VPS51: variants seen among roughly 807,000 people sequenced by gnomAD.
The protein encoded by VPS51 is VPS51 subunit of GARP complex, also known as vacuolar protein sorting-associated protein 51 homolog.
A neutral mutation model predicts 65.1 loss-of-function variants in VPS51; 55 were observed. That is an observed-to-expected ratio of 0.84 (90% CI 0.68 to 1.06). The LOEUF (loss-of-function observed/expected upper bound fraction) is 1.06. VPS51 is among the 50% of genes least tolerant of loss of function. The pLI is 0.00. For synonymous variants in VPS51, 473 were observed against 489.5 expected (o/e 0.97, Z 0.44); for missense variants, 943 against 1,101.6 (o/e 0.86, Z 2.04).
Position 65,108,276 on chromosome 11 carries a change from T to C in VPS51, c.805T>C (p.Cys269Arg). The change falls in exon 5 of 10, where the codon TGC becomes CGC. Residue 269 changes from cysteine (C) to arginine (R), a missense_variant. By Grantham distance (180) the Cys-to-Arg change is radical. Transcript: ENST00000279281. ...CCTGGGCGAGCCTGCGGAGGAGCTG[T>C]GCGAGGAGTTCCTGGCGCACGCCCG... is the stretch of plus-strand genomic sequence containing the variant. ...LALGEPAEEL[C>R]EEFLAHARGR... The C allele has an allele frequency of 1.2e-6, 2 of 1,600,268 alleles. No homozygotes were observed. The highest frequency in any genetic ancestry group is 1.7e-6 in the Non-Finnish European group (2 of 1,174,470).
In VPS51 at chr11:65,111,556, G is replaced by C. The variant is rs1388531106; in HGVS notation, c.2318G>C (p.Ser773Thr). The stretch of plus-strand genomic sequence containing the variant: ...CCAGACCCTGTGCCCATGGAGCCCA[G>C]TGTGGTTGAGGTCATCTGCGAGCGC... ...RCPDPVPMEP[S>T]VVEVICERG Residue 773 changes from serine (S) to threonine (T), a missense_variant, in exon 10 of 10, where the codon AGT becomes ACT. Physicochemically the swap from Ser to Thr is moderately conservative, Grantham distance 58 (BLOSUM62 1). Transcript: ENST00000279281. The C allele has an allele frequency of 6.2e-7, 1 of 1,611,096 alleles. No homozygotes were observed. The highest frequency in any genetic ancestry group is 8.5e-7 in the Non-Finnish European group (1 of 1,179,958).
In VPS51 at chr11:65,097,038, A is replaced by T; in HGVS notation, c.269A>T (p.Glu90Val). 1.9e-6 allele frequency: 3 copies of T among 1,613,984 alleles called. No individual in the cohort carries two copies. The highest frequency in any genetic ancestry group is 2.5e-6 in the Non-Finnish European group (3 of 1,180,016). ...CCTCTGGCCCAGTTGATGGACAGTG[A>T]GACGGACATGGTGCGGCAGATCCGG... ...ECPLAQLMDS[E>V]TDMVRQIRAL... Residue 90 changes from glutamate to valine, a missense_variant, in exon 2 of 10, where the codon GAG becomes GTG. Glu to Val is a moderately radical substitution (Grantham distance 121, BLOSUM62 -2). Around this residue, in one of 2 missense-constraint regions of VPS51, gnomAD observed 855 missense variants for 953.7 expected, o/e 0.90. Transcript: ENST00000279281.
chr11:65,101,275 A>T (rs1480256886), intron 2 of VPS51, among the ~76,000 whole-genome samples: 1 of 152,246 alleles, frequency 6.6e-6, no homozygotes, highest in African/African-American at 2.4e-5. Flanking sequence ...AATTAAAAAG[A>T]AAACCAGGCA....
chr11:65,107,739 CG>C lies in VPS51; in HGVS notation c.505+15del. ...CACCAAGCTGGCAGGTGGGCGCTGC[CG>C]GGCAGGGCCTGCAGTGGGCCTTTCC... On this transcript the variant is annotated intron_variant, in intron 3 of 9. Transcript: ENST00000279281. This position sits in a 1 kb window ranked among gnomAD's most constrained non-coding sequence, Gnocchi z 4.0. 6.2e-7 allele frequency: 1 copy of C among 1,605,760 alleles called. No individual in the cohort carries two copies. Among genetic ancestry groups the C allele is most frequent in the South Asian group, 1.1e-5 (1 of 90,934 alleles).
intron 2 of VPS51, among the ~76,000 whole-genome samples, chr11:65,098,105 T>C (rs1228663875): frequency 1.3e-5 from 2 of 152,030 alleles, no homozygotes; most frequent in Non-Finnish European, 2.9e-5. Context: ...CACTTGAACC[T>C]GGGAGGTGGA....
intron 2 of VPS51, among the ~76,000 whole-genome samples, chr11:65,103,321 T>C (rs763691401): frequency 2.0e-5 from 3 of 152,250 alleles, no homozygotes; most frequent in Non-Finnish European, 4.4e-5. Context: ...AAAAGTAATA[T>C]AGATGTTTCA....
chr11:65,111,806 G>A lies in VPS51; in HGVS notation c.*219G>A, dbSNP rs559228659. 8 of 957,626 alleles carry A rather than the reference G, an allele frequency of 8.4e-6. No individual in the cohort carries two copies. Among genetic ancestry groups the A allele is most frequent in the East Asian group, 2.6e-5 (1 of 37,888 alleles). The allele number at this position is 957,626 out of a possible 1,614,324, so 59.3% of individuals were successfully genotyped here. A position where few individuals can be genotyped will look rare whatever the true frequency, so the allele number is the denominator to read the frequency against. The stretch of plus-strand genomic sequence containing the variant: ...TCCGCCCCCGAGCGCCGATTGGCTG[G>A]TGTGCTGGGCCCAGCATGGGCAGGG... On this transcript the variant is annotated 3_prime_UTR_variant, in exon 10 of 10. Transcript: ENST00000279281.
chr11:65,110,825 G>C lies in VPS51; in HGVS notation c.2088+44G>C, dbSNP rs753084658. On this transcript the variant is annotated intron_variant, in intron 9 of 9. Transcript: ENST00000279281. ...CTCAGACTTCCAGGGATCCCGGGGA[G>C]GGTTGGCTGGAGCAGCCCCACACCT... 3.7e-6 allele frequency: 6 copies of C among 1,612,614 alleles called. No homozygotes were observed. In the African/African-American group the frequency reaches 6.7e-5, roughly 18 times the overall value.
rs371673983 is a variant in VPS51, at chr11:65,107,646, A to G, written c.424A>G (p.Asn142Asp). 4.3e-5 allele frequency: 69 copies of G among 1,605,936 alleles called. No homozygotes were observed. The highest frequency in any genetic ancestry group is 5.5e-5 in the Non-Finnish European group (64 of 1,173,636). ...MEDEMDRLATNMAVITDFSAR... is the reference protein window; with the variant it reads ...MEDEMDRLATDMAVITDFSAR... ...GGATGAGATGGACCGGCTGGCCACC[A>G]ACATGGCAGTGATCACCGACTTCAG... Residue 142 changes from asparagine to aspartate, a missense_variant, in exon 3 of 10, where the codon AAC becomes GAC. By Grantham distance (23) the Asn-to-Asp change is conservative. Around this residue, in one of 2 missense-constraint regions of VPS51, gnomAD observed 855 missense variants for 953.7 expected, o/e 0.90. Transcript: ENST00000279281. The surrounding 1 kb of genome is among the most constrained non-coding windows in gnomAD (Gnocchi z 4.0).
chr11:65,099,777 A>G (rs1307306055), intron 2 of VPS51, among the ~76,000 whole-genome samples: 3 of 152,150 alleles, frequency 2.0e-5, no homozygotes, highest in Non-Finnish European at 4.4e-5. Context: ...AGCCTGGGTG[A>G]CAGAGCAAGA....
At position 65,108,301 on chromosome 11, in the gene VPS51, G is replaced by T; in HGVS notation, c.830G>T (p.Arg277Leu). ...ELCEEFLAHARGRLEKELRNL... is the reference protein window; with the variant it reads ...ELCEEFLAHALGRLEKELRNL... ...TGCGAGGAGTTCCTGGCGCACGCCC[G>T]CGGCCGGCTGGAGAAGGAGCTGAGA... is the stretch of plus-strand genomic sequence containing the variant. The change falls in exon 5 of 10, where the codon CGC (arginine) becomes CTC (leucine). Residue 277 changes from arginine to leucine, a missense_variant. Coordinates refer to ENST00000279281, the MANE Select transcript of VPS51 (RefSeq NM_013265.4). 5 of 1,605,780 alleles carry T rather than the reference G, an allele frequency of 3.1e-6. No individual in the cohort carries two copies. Among genetic ancestry groups the T allele is most frequent in the Non-Finnish European group, 4.2e-6 (5 of 1,177,062 alleles).
chr11:65,096,224 T>A lies in VPS51; in HGVS notation c.-27T>A. ...CTCCCCGTCCCCTTCCTTTCCAGCC[T>A]CACGCCCGTGGGCTGCAGTTGGAAC... On this transcript the variant is annotated 5_prime_UTR_variant, in exon 1 of 10. Transcript: ENST00000279281. 2 of 1,524,416 alleles carry A rather than the reference T, an allele frequency of 1.3e-6. No homozygotes were observed. Among genetic ancestry groups the A allele is most frequent in the Non-Finnish European group, 1.8e-6 (2 of 1,136,170 alleles). The allele number at this position is 1,524,416 out of a possible 1,614,324, so 94.4% of individuals were successfully genotyped here. A position where few individuals can be genotyped will look rare whatever the true frequency, so the allele number is the denominator to read the frequency against.
At chr11:65,097,504 T>C (rs995848042) in intron 2 of VPS51, among the ~76,000 whole-genome samples, 2 of 152,102 alleles carry the variant, frequency 1.3e-5, no homozygotes, top group Non-Finnish European at 2.9e-5. Context: ...ATTACGGGTG[T>C]GAGTCCCTGG....
At chr11:65,101,762 C>CAAAAAAAAAAAAAAAAAAAAAA (rs1165429983) in intron 2 of VPS51, among the ~76,000 whole-genome samples, 1 of 26,334 alleles carries the variant, frequency 3.8e-5, no homozygotes, top group Non-Finnish European at 8.4e-5. Flanking sequence ...GACCTTGTCT[C>CAAAAAAAAAAAAAAAAAAAAAA]AAAAAAAAAA....
chr11:65,108,547 A>C lies in VPS51; in HGVS notation c.1076A>C (p.Glu359Ala). ...FALVERRLAQ[E>A]QGGGDNSLLV... ...CTGGTGGAGCGGCGGCTGGCGCAGG[A>C]GCAGGGTGGTGGTGACAACTCACTG... The change falls in exon 5 of 10, where the codon GAG (glutamate) becomes GCG (alanine). Residue 359 changes from glutamate to alanine, a missense_variant. Glu to Ala is a moderately radical substitution (Grantham distance 107). This residue lies in a region of VPS51 where 855 missense variants were observed against 953.7 expected (regional missense o/e 0.90). Transcript: ENST00000279281. 2 of 1,573,450 alleles carry C rather than the reference A, an allele frequency of 1.3e-6. No individual in the cohort carries two copies. The highest frequency in any genetic ancestry group is 2.2e-4 in the Middle Eastern group (1 of 4,524).
Position 65,109,449 on chromosome 11 carries a change from C to T in VPS51, c.1613C>T (p.Thr538Ile). ...CTCTGCCTGGACTACGAGACGGCCACCATCTCCTACATCCTCACTCTCACT... is the reference window on the plus strand; with the variant it reads ...CTCTGCCTGGACTACGAGACGGCCATCATCTCCTACATCCTCACTCTCACT... ...SRLCLDYETA[T>I]ISYILTLTDE... The change falls in exon 6 of 10, where the codon ACC becomes ATC. Residue 538 changes from threonine to isoleucine, a missense_variant. Physicochemically the swap from Thr to Ile is moderately conservative, Grantham distance 89. Coordinates refer to ENST00000279281, the MANE Select transcript of VPS51 (RefSeq NM_013265.4). 1.2e-6 allele frequency: 2 copies of T among 1,608,648 alleles called. No homozygotes were observed. Among genetic ancestry groups the T allele is most frequent in the Non-Finnish European group, 1.7e-6 (2 of 1,180,002 alleles).
chr11:65,105,248 A>G (rs1947834125), intron 2 of VPS51, among the ~76,000 whole-genome samples: 1 of 152,040 alleles, frequency 6.6e-6, no homozygotes, highest in East Asian at 1.9e-4. Flanking sequence ...AAAATTAGCC[A>G]GGCATGGTGG....
intron 5 of VPS51, 159 bp from the exon 6 acceptor site, chr11:65,109,121 C>A: frequency 9.7e-7 from 1 of 1,029,402 alleles, no homozygotes; most frequent in Non-Finnish European, 1.4e-6. Context: ...TTGGCTTTCT[C>A]TGCCCCCACT....
At chr11:65,111,180 A>G (rs777697869) in intron 9 of VPS51, 147 bp from the exon 10 acceptor site, 4 of 1,199,754 alleles carry the variant, frequency 3.3e-6, no homozygotes, top group South Asian at 1.3e-5. Flanking sequence ...CTAATATTGT[A>G]TCCCTCCCTT....
Sources: allele counts gnomAD v4.1 joint callset (sites outside exome capture counted in the v4.1 genomes callset), GRCh38; gene constraint gnomAD v4.1.1; regional missense constraint gnomAD v4.1.1; non-coding constraint Gnocchi (gnomAD v3.1); transcripts MANE v1.5; gene names NCBI Gene and HGNC (gene_info 2026-07-23, HGNC 2026-07-21).